The following GALNT13 variants were observed in gnomAD, a reference collection of about 807,000 sequenced individuals.
GALNT13 encodes polypeptide N-acetylgalactosaminyltransferase 13.
GALNT13 carries 28 observed loss-of-function variants against 64.2 expected under a neutral mutation model. The ratio of observed to expected loss-of-function variants is 0.44; its 90% CI spans 0.32 to 0.60. GALNT13 has a LOEUF of 0.60. GALNT13 is among the 20% of genes least tolerant of loss of function. The pLI is 0.05. For missense variants in GALNT13, 577 were observed against 669.8 expected, an observed-to-expected ratio of 0.86 and a Z score of 1.53; for synonymous variants, 214 against 224.6, an observed-to-expected ratio of 0.95 and a Z score of 0.42.
the GALNT13 span, among the ~76,000 whole-genome samples, chr2:153,710,070 G>T: frequency 6.6e-6 from 1 of 151,952 alleles, no homozygotes; most frequent in Non-Finnish European, 1.5e-5. Context: ...GCACAGCATG[G>T]TGAATATATT....
chr2:153,948,977 G>T (rs1367338626), intron 3 of GALNT13, among the ~76,000 whole-genome samples: 2 of 145,606 alleles, frequency 1.4e-5, no homozygotes, highest in Non-Finnish European at 3.1e-5. Flanking sequence ...ACCTGCACAT[G>T]TGCCCCTGAA....
At chr2:153,719,216 C>G in the GALNT13 span, among the ~76,000 whole-genome samples, 3 of 152,104 alleles carry the variant, frequency 2.0e-5, no homozygotes, top group Non-Finnish European at 4.4e-5. Context: ...CCAGGAAAAT[C>G]AGGTAGAAAT....
At chr2:153,378,255 TATA>T in the GALNT13 span, among the ~76,000 whole-genome samples, 4 of 143,594 alleles carry the variant, frequency 2.8e-5, no homozygotes, top group Non-Finnish European at 3.0e-5. Context: ...TTTAGAACAT[TATA>T]GATAGATAGA....
At chr2:154,055,962 T>C (rs1243161741) in intron 3 of GALNT13, among the ~76,000 whole-genome samples, 8 of 152,124 alleles carry the variant, frequency 5.3e-5, no homozygotes, top group Admixed American at 5.2e-4. Flanking sequence ...ATCTAAATGG[T>C]ATTGTTAAGT....
chr2:153,566,238 G>T, the GALNT13 span, among the ~76,000 whole-genome samples: 1 of 151,310 alleles, frequency 6.6e-6, no homozygotes, highest in African/African-American at 2.4e-5. Context: ...CTATAGTAAA[G>T]TAAGACTCAG....
the GALNT13 span, among the ~76,000 whole-genome samples, chr2:153,410,691 ATG>A: frequency 9.2e-5 from 14 of 152,158 alleles, no homozygotes; most frequent in African/African-American, 3.4e-4. Context: ...AATGTAAAAA[ATG>A]TAATAATAAT....
chr2:153,463,400 C>G, the GALNT13 span, among the ~76,000 whole-genome samples: 1 of 152,154 alleles, frequency 6.6e-6, no homozygotes, highest in African/African-American at 2.4e-5. Context: ...ACACTTTGTT[C>G]GTTGCCTAGG....
chr2:153,151,912 A>G, the GALNT13 span, among the ~76,000 whole-genome samples: 1 of 152,068 alleles, frequency 6.6e-6, no homozygotes, highest in Non-Finnish European at 1.5e-5. Flanking sequence ...GCACACCAAC[A>G]TGGCACATGT....
At chr2:153,390,187 C>T in the GALNT13 span, among the ~76,000 whole-genome samples, 1 of 152,114 alleles carries the variant, frequency 6.6e-6, no homozygotes, top group African/African-American at 2.4e-5. Flanking sequence ...TGGAAACCAT[C>T]ATTCTCAGCA....
At chr2:154,436,845 A>G (rs1056068110) in intron 11 of GALNT13, 3 of 152,106 alleles carry the variant, frequency 2.0e-5, no homozygotes, top group Non-Finnish European at 4.4e-5. Flanking sequence ...ACATTTCTCA[A>G]ATTTGTATAT....
intron 3 of GALNT13, among the ~76,000 whole-genome samples, chr2:154,108,907 G>A (rs1298656988): frequency 6.6e-6 from 1 of 151,948 alleles, no homozygotes; most frequent in African/African-American, 2.4e-5. Context: ...ATACGTGTGT[G>A]GGTTCATTTC....
chr2:153,744,233 G>GT, the GALNT13 span, among the ~76,000 whole-genome samples: 4 of 152,082 alleles, frequency 2.6e-5, no homozygotes, highest in East Asian at 1.9e-4. Context: ...TCAATTTTTA[G>GT]TTTTTTTGAG....
intron 9 of GALNT13, among the ~76,000 whole-genome samples, chr2:154,363,537 T>G (rs566047775): frequency 6.6e-6 from 1 of 152,202 alleles, no homozygotes; most frequent in South Asian, 2.1e-4. Flanking sequence ...TCTGACCCAT[T>G]ATGGTGATGA....
At chr2:154,179,757 G>T (rs1685852133) in intron 4 of GALNT13, among the ~76,000 whole-genome samples, 1 of 149,614 alleles carries the variant, frequency 6.7e-6, no homozygotes. Flanking sequence ...AATTTCATAA[G>T]CAGCAAAGCA....
At chr2:153,610,483 T>C in the GALNT13 span, among the ~76,000 whole-genome samples, 3 of 152,140 alleles carry the variant, frequency 2.0e-5, no homozygotes, top group Non-Finnish European at 4.4e-5. Context: ...GAGACCAGCC[T>C]GTCCAACATG....
intron 8 of GALNT13, among the ~76,000 whole-genome samples, chr2:154,299,863 G>A (rs1693326879): frequency 6.6e-6 from 1 of 151,676 alleles, no homozygotes. Flanking sequence ...GTGTTTGTTG[G>A]ACCTATTTTT....
chr2:154,320,625 GT>G (rs1694571128), intron 9 of GALNT13, among the ~76,000 whole-genome samples: 1 of 152,146 alleles, frequency 6.6e-6, no homozygotes, highest in African/African-American at 2.4e-5. Context: ...TAAAAGTTGT[GT>G]TTTATTGTAG....
At chr2:154,337,412 CAG>C (rs1429615451) in intron 9 of GALNT13, among the ~76,000 whole-genome samples, 4 of 151,848 alleles carry the variant, frequency 2.6e-5, no homozygotes, top group Non-Finnish European at 4.4e-5. Context: ...TTTAAAAAGA[CAG>C]AAAACTCTGA....
At chr2:154,446,835 C>T in intron 12 of GALNT13, 3 of 1,397,238 alleles carry the variant, frequency 2.1e-6, no homozygotes, top group Non-Finnish European at 2.8e-6. Flanking sequence ...AATCTGGAAA[C>T]TCCTTTAAAA....
Sources: gnomAD v4.1 joint callset for allele counts (sites outside exome capture counted in the v4.1 genomes callset) on GRCh38, gnomAD v4.1.1 for gene constraint, MANE v1.5 for transcripts, NCBI Gene and HGNC (gene_info 2026-07-23, HGNC 2026-07-21) for gene names.